The following SV2B variants were observed in gnomAD, a reference collection of about 807,000 sequenced individuals.
SV2B encodes synaptic vesicle glycoprotein 2B.
SV2B carries 41 observed loss-of-function variants against 73.9 expected under a neutral mutation model. That is an observed-to-expected ratio of 0.56 (90% CI 0.43 to 0.72). The LOEUF (loss-of-function observed/expected upper bound fraction) is 0.72, where lower values mean the gene tolerates loss of function less well. Among genes scored for constraint, SV2B ranks in the 30% least tolerant of loss-of-function variants. The probability of loss-of-function intolerance (pLI) is 0.00; values close to 1 mark genes in which losing one functional copy is unlikely to be tolerated. For synonymous variants in SV2B, 314 were observed against 314.2 expected (o/e 1.00, Z 0.01); for missense variants, 764 against 857.8 (o/e 0.89, Z 1.37).
rs1409451227 is a variant in SV2B at position 91,297,525 on chromosome 15, C to G, written c.*4973C>G. Reference sequence around the variant, plus strand: ...GATTCGGATTCTGGGGATTTGGAATCTGGGGTGGGGTCTGAAGAATCTGCA... The same window carrying G: ...GATTCGGATTCTGGGGATTTGGAATGTGGGGTGGGGTCTGAAGAATCTGCA... On this transcript the variant is annotated 3_prime_UTR_variant, in exon 13 of 13. Transcript: ENST00000394232. The surrounding 1 kb of genome is among the most constrained non-coding windows in gnomAD (Gnocchi z 5.1). The G allele has an allele frequency of 2.0e-5, 3 of 152,198 alleles. No homozygotes were observed. The highest frequency in any genetic ancestry group is 4.4e-5 in the Non-Finnish European group (3 of 68,036). The allele number at this position is 152,198 out of a possible 1,614,324, so 9.4% of individuals were successfully genotyped here.
chr15:91,210,848 T>C (rs2141423818), intron 1 of SV2B, among the ~76,000 whole-genome samples: 1 of 152,354 alleles, frequency 6.6e-6, no homozygotes, highest in East Asian at 1.9e-4. Context: ...ATAGAAAGTC[T>C]ACTGTTCTTA....
chr15:91,113,249 C>T (rs79276247), intron 1 of SV2B, among the ~76,000 whole-genome samples: 4 of 152,298 alleles, frequency 2.6e-5, no homozygotes, highest in African/African-American at 7.2e-5. Flanking sequence ...TGCAAGTGGG[C>T]GTGGCCACGT....
At chr15:91,230,924 A>G (rs2046549967) in intron 2 of SV2B, among the ~76,000 whole-genome samples, 1 of 152,132 alleles carries the variant, frequency 6.6e-6, no homozygotes, top group Non-Finnish European at 1.5e-5. Flanking sequence ...GAAGGGATAG[A>G]GCTTGAGGTT....
intron 9 of SV2B, among the ~76,000 whole-genome samples, chr15:91,278,103 A>G (rs772154316): frequency 2.0e-5 from 3 of 152,172 alleles, no homozygotes; most frequent in Non-Finnish European, 4.4e-5. Flanking sequence ...TTCATGAGAT[A>G]ATATTTCAGT....
At chr15:91,117,266 C>T (rs1185760559) in intron 1 of SV2B, among the ~76,000 whole-genome samples, 2 of 152,156 alleles carry the variant, frequency 1.3e-5, no homozygotes, top group African/African-American at 4.8e-5. Flanking sequence ...AGTTTCCTAA[C>T]CTGTAAAACA....
Position 91,197,533 on chromosome 15 carries a change from T to C in SV2B, c.-391-28340T>C, listed in dbSNP as rs2045293777. 6.6e-6 allele frequency among the ~76,000 whole-genome samples: 1 copy of C among 150,830 alleles called. No individual in the cohort carries two copies. The highest frequency in any genetic ancestry group is 6.6e-5 in the Admixed American group (1 of 15,228). On this transcript the variant is annotated intron_variant, in intron 1 of 12. Coordinates refer to ENST00000394232, the MANE Select transcript of SV2B (RefSeq NM_001323032.3). This position sits in a 1 kb window ranked among gnomAD's most constrained non-coding sequence, Gnocchi z 4.9. ...GCCACCGCGCCCAGCCATCATTGTT[T>C]TTAATAGAAGAAAAAAAAAACCAAA... is the stretch of plus-strand genomic sequence containing the variant.
chr15:91,191,849 A>G (rs932089000), intron 1 of SV2B, among the ~76,000 whole-genome samples: 1 of 152,208 alleles, frequency 6.6e-6, no homozygotes, highest in Non-Finnish European at 1.5e-5. Flanking sequence ...ATTAGTATTT[A>G]TTACTCTATC....
chr15:91,252,881 A>G lies in SV2B; in HGVS notation c.784+361A>G, dbSNP rs940070965. Among the ~76,000 whole-genome samples the G allele has an allele frequency of 3.9e-5, 6 of 151,954 alleles. No individual in the cohort carries two copies. The highest frequency in any genetic ancestry group is 7.4e-5 in the Non-Finnish European group (5 of 67,980). On this transcript the variant is annotated intron_variant, in intron 4 of 12. Coordinates refer to ENST00000394232, the MANE Select transcript of SV2B (RefSeq NM_001323032.3). The surrounding 1 kb of genome is among the most constrained non-coding windows in gnomAD (Gnocchi z 4.6). ...GGGCTTTGGTAACCTGATTTAATAG[A>G]TGACAGGTATGTGACAAAAGCCAAG... is the stretch of plus-strand genomic sequence containing the variant.
rs1409367073 is a variant in SV2B, at chr15:91,106,175, C to T, written c.-392+5812C>T. ...ACATAATGAATTTTGACCTAAGCAG[C>T]TGGATGGAGTAGCACTTTAGTGAGG... On this transcript the variant is annotated intron_variant, in intron 1 of 12. Coordinates refer to ENST00000394232, the MANE Select transcript of SV2B (RefSeq NM_001323032.3). The surrounding 1 kb of genome is among the most constrained non-coding windows in gnomAD (Gnocchi z 4.4). 1.3e-5 allele frequency among the ~76,000 whole-genome samples: 2 copies of T among 152,102 alleles called. No individual in the cohort carries two copies. The highest frequency in any genetic ancestry group is 2.9e-5 in the Non-Finnish European group (2 of 68,020).
intron 1 of SV2B, among the ~76,000 whole-genome samples, chr15:91,149,424 A>C (rs2043242451): frequency 3.3e-5 from 5 of 152,224 alleles, no homozygotes; most frequent in Admixed American, 3.3e-4. Context: ...CTGGTGATTG[A>C]TTCTAAGTCT....
rs745666211 is a variant in SV2B at position 91,241,327 on chromosome 15, G to A, written c.452-10492G>A. Among the ~76,000 whole-genome samples, 1 of 152,072 alleles carries A rather than the reference G, an allele frequency of 6.6e-6. No individual in the cohort carries two copies. Among genetic ancestry groups the A allele is most frequent in the Non-Finnish European group, 1.5e-5 (1 of 68,008 alleles). On this transcript the variant is annotated intron_variant, in intron 2 of 12. Coordinates refer to ENST00000394232, the MANE Select transcript of SV2B (RefSeq NM_001323032.3). This position sits in a 1 kb window ranked among gnomAD's most constrained non-coding sequence, Gnocchi z 4.8. ...GTGTTCCCCACCCCTGGTTGCATCC[G>A]ACTTTTCCTCCATCTGTCCCTAAAC...
In SV2B at chr15:91,123,932, A is replaced by G. The variant is rs983862765; in HGVS notation, c.-392+23569A>G. On this transcript the variant is annotated intron_variant, in intron 1 of 12. Transcript: ENST00000394232. The surrounding 1 kb of genome is among the most constrained non-coding windows in gnomAD (Gnocchi z 4.7). ...TCTATAAATTACTCCCTTACCTAGAAATCACCTGGCACTGTTGCCCAGAGA... is the reference window on the plus strand; with the variant it reads ...TCTATAAATTACTCCCTTACCTAGAGATCACCTGGCACTGTTGCCCAGAGA... 2.6e-5 allele frequency among the ~76,000 whole-genome samples: 4 copies of G among 152,164 alleles called. No individual in the cohort carries two copies. The highest frequency in any genetic ancestry group is 4.4e-5 in the Non-Finnish European group (3 of 68,022).
intron 1 of SV2B, among the ~76,000 whole-genome samples, chr15:91,219,700 CA>C (rs2046153376): frequency 6.6e-6 from 1 of 152,108 alleles, no homozygotes; most frequent in African/African-American, 2.4e-5. Context: ...TAGAATTGTA[CA>C]ATCATCACTA....
At position 91,141,886 on chromosome 15, in the gene SV2B, G is replaced by A. The variant is rs1470282103; in HGVS notation, c.-392+41523G>A. On this transcript the variant is annotated intron_variant, in intron 1 of 12. Coordinates refer to ENST00000394232, the MANE Select transcript of SV2B (RefSeq NM_001323032.3). This position sits in a 1 kb window ranked among gnomAD's most constrained non-coding sequence, Gnocchi z 4.6. ...GACTGACACTGTCGGACGGGAATTG[G>A]CAGTAGAGAACACAGGGTCCCACAG... Among the ~76,000 whole-genome samples the A allele has an allele frequency of 6.6e-6, 1 of 152,108 alleles. No individual in the cohort carries two copies.
intron 1 of SV2B, among the ~76,000 whole-genome samples, chr15:91,185,981 C>G (rs1287325737): frequency 6.6e-6 from 1 of 152,168 alleles, no homozygotes; most frequent in Non-Finnish European, 1.5e-5. Context: ...TCTCGTTTGT[C>G]CCAGGCTGTC....
intron 1 of SV2B, among the ~76,000 whole-genome samples, chr15:91,145,453 T>C (rs2043121203): frequency 6.6e-6 from 1 of 152,202 alleles, no homozygotes; most frequent in African/African-American, 2.4e-5. Context: ...TGAACATACA[T>C]GTGCATATGT....
rs944904093 is a variant in SV2B, at chr15:91,251,824, A to G, written c.457A>G (p.Ile153Val). 1.9e-6 allele frequency: 3 copies of G among 1,614,002 alleles called. No individual in the cohort carries two copies. Among genetic ancestry groups the G allele is most frequent in the Non-Finnish European group, 2.5e-6 (3 of 1,179,984 alleles). ...TCTCCTCCCCCTCATTGCAGGGATG[A>G]TAGTCTACTTGGGAATGATGGCGGG... ...SSSKKGMLGM[I>V]VYLGMMAGAF... Residue 153 changes from isoleucine (I) to valine (V), a missense_variant, in exon 3 of 13, where the codon ATA becomes GTA. Coordinates refer to ENST00000394232, the MANE Select transcript of SV2B (RefSeq NM_001323032.3).
intron 1 of SV2B, among the ~76,000 whole-genome samples, chr15:91,181,350 G>A (rs931565803): frequency 6.6e-6 from 1 of 152,062 alleles, no homozygotes; most frequent in Admixed American, 6.5e-5. Flanking sequence ...AGGGGTCAGG[G>A]ACCCACTTGA....
At chr15:91,173,914 A>G (rs1052181972) in intron 1 of SV2B, among the ~76,000 whole-genome samples, 9 of 151,978 alleles carry the variant, frequency 5.9e-5, no homozygotes, top group African/African-American at 2.2e-4. Context: ...TTTCTTCTCT[A>G]TCTGAGGGTT....
Sources: gnomAD v4.1 joint callset for allele counts (sites outside exome capture counted in the v4.1 genomes callset) on GRCh38, gnomAD v4.1.1 for gene constraint, Gnocchi (gnomAD v3.1) non-coding constraint, MANE v1.5 for transcripts, NCBI Gene and HGNC (gene_info 2026-07-23, HGNC 2026-07-21) for gene names.